Variants in TMEFF2 observed in about 807,000 individuals in gnomAD.
TMEFF2 encodes tomoregulin-2.
In TMEFF2, 28 loss-of-function variants were observed where a neutral mutation model predicts 53.8. The observed-to-expected ratio is 0.52, with a 90% CI of 0.39 to 0.71. The LOEUF is 0.71. TMEFF2 is among the 30% of genes least tolerant of loss of function. The pLI, the probability that TMEFF2 is intolerant of heterozygous loss-of-function variation, is 0.00. For missense variants in TMEFF2, 353 were observed against 455.2 expected, an observed-to-expected ratio of 0.78 and a Z score of 2.04; for synonymous variants, 162 against 166.3, an observed-to-expected ratio of 0.97 and a Z score of 0.20.
intron 7 of TMEFF2, among the ~76,000 whole-genome samples, chr2:191,960,867 G>A (rs1399152289): frequency 6.6e-6 from 1 of 152,108 alleles, no homozygotes; most frequent in East Asian, 1.9e-4. Flanking sequence ...GTATTGAAAG[G>A]AGCTGTGTGG....
Position 192,194,176 on chromosome 2 carries a change from C to T in TMEFF2, c.172+177G>A, listed in dbSNP as rs1691544176. ...TTCTGCCCATCCCAGAACCACCCCTCACCCCCGGGCCTGCAACAGTTCCCC... is the reference window on the plus strand; with the variant it reads ...TTCTGCCCATCCCAGAACCACCCCTTACCCCCGGGCCTGCAACAGTTCCCC... On this transcript the variant is annotated intron_variant, in intron 1 of 9. Transcript: ENST00000272771. The surrounding 1 kb of genome is among the most constrained non-coding windows in gnomAD (Gnocchi z 4.2). Among the ~76,000 whole-genome samples, 1 of 152,164 alleles carries T rather than the reference C, an allele frequency of 6.6e-6. No homozygotes were observed. Among genetic ancestry groups the T allele is most frequent in the African/African-American group, 2.4e-5 (1 of 41,430 alleles).
chr2:192,026,081 C>T (rs546156311), intron 5 of TMEFF2, among the ~76,000 whole-genome samples: 3 of 152,220 alleles, frequency 2.0e-5, no homozygotes, highest in East Asian at 1.9e-4. Flanking sequence ...CCCTGTGCGC[C>T]CCTCCCCACC....
At position 192,149,857 on chromosome 2, in the gene TMEFF2, C is replaced by T. The variant is rs74836720; in HGVS notation, c.439+29811G>A. On this transcript the variant is annotated intron_variant, in intron 4 of 9. Coordinates refer to ENST00000272771, the MANE Select transcript of TMEFF2 (RefSeq NM_016192.4). ...AGGGATTGACTTGTTTATTGTTAAA[C>T]ACACAATTCCATGAAGGCAAAATAT... 3.3e-5 allele frequency among the ~76,000 whole-genome samples: 5 copies of T among 152,080 alleles called. No individual in the cohort carries two copies. In the East Asian group the frequency reaches 9.7e-4, roughly 29 times the overall value.
intron 4 of TMEFF2, among the ~76,000 whole-genome samples, chr2:192,103,485 G>A (rs1689079954): frequency 6.6e-6 from 1 of 152,062 alleles, no homozygotes; most frequent in Non-Finnish European, 1.5e-5. Context: ...CATTTCAGAT[G>A]TACAGTAATC....
At chr2:191,981,807 C>G (rs1320753132) in intron 7 of TMEFF2, among the ~76,000 whole-genome samples, 1 of 152,112 alleles carries the variant, frequency 6.6e-6, no homozygotes, top group Non-Finnish European at 1.5e-5. Flanking sequence ...AAGGAAATTA[C>G]TAATTAAAAT....
chr2:191,979,863 T>G (rs1221848856), intron 7 of TMEFF2, among the ~76,000 whole-genome samples: 1 of 152,140 alleles, frequency 6.6e-6, no homozygotes, highest in Non-Finnish European at 1.5e-5. Flanking sequence ...TATCGATCTA[T>G]CTATCTATCT....
In TMEFF2 at chr2:192,101,462, A is replaced by G. The variant is rs575250496; in HGVS notation, c.440-43687T>C. ...TTTGTGTGGTATTTGTTAACTTTTT[A>G]AAATTCATATTTTGCTATGTTTTAT... On this transcript the variant is annotated intron_variant, in intron 4 of 9. Coordinates refer to ENST00000272771, the MANE Select transcript of TMEFF2 (RefSeq NM_016192.4). Among the ~76,000 whole-genome samples the G allele has an allele frequency of 5.3e-5, 8 of 152,334 alleles. No individual in the cohort carries two copies. In the East Asian group the frequency reaches 1.5e-3, roughly 29 times the overall value.
chr2:192,054,577 C>A lies in TMEFF2; in HGVS notation c.536+3102G>T, dbSNP rs575221352. Among the ~76,000 whole-genome samples the A allele has an allele frequency of 8.5e-5, 13 of 152,190 alleles. No individual in the cohort carries two copies. In the South Asian group the frequency reaches 2.3e-3, roughly 27 times the overall value. ...ACTTTTGCAAGAATACCAGGATTAA[C>A]CCCCTGCTTGCCTGGATGTTTTCCC... On this transcript the variant is annotated intron_variant, in intron 5 of 9. Transcript: ENST00000272771.
At chr2:192,118,446 A>T (rs148229329) in intron 4 of TMEFF2, among the ~76,000 whole-genome samples, 2 of 152,180 alleles carry the variant, frequency 1.3e-5, no homozygotes, top group Non-Finnish European at 2.9e-5. Context: ...TTTAAAAAGT[A>T]TATATAAGTC....
chr2:192,192,891 C>T (rs193105980), intron 1 of TMEFF2, among the ~76,000 whole-genome samples: 52 of 152,202 alleles, frequency 3.4e-4, no homozygotes, highest in Non-Finnish European at 5.3e-4. Context: ...CACACATGTA[C>T]GCATGAATCA....
At chr2:192,100,476 G>GT (rs1328948824) in intron 4 of TMEFF2, among the ~76,000 whole-genome samples, 10 of 152,282 alleles carry the variant, frequency 6.6e-5, no homozygotes, top group African/African-American at 2.4e-4. Flanking sequence ...AACAAAGGCT[G>GT]TTTGGGTAGA....
At chr2:192,086,030 C>T (rs1344635398) in intron 4 of TMEFF2, among the ~76,000 whole-genome samples, 2 of 152,164 alleles carry the variant, frequency 1.3e-5, no homozygotes, top group Non-Finnish European at 2.9e-5. Flanking sequence ...CCCATCAATA[C>T]TATAGGCCAT....
intron 4 of TMEFF2, among the ~76,000 whole-genome samples, chr2:192,122,410 C>A (rs1476659602): frequency 6.6e-6 from 1 of 152,134 alleles, no homozygotes; most frequent in Admixed American, 6.6e-5. Context: ...AATGTAGAAG[C>A]TTTATTTTAA....
intron 4 of TMEFF2, among the ~76,000 whole-genome samples, chr2:192,079,039 C>T (rs970948448): frequency 6.6e-6 from 1 of 152,120 alleles, no homozygotes; most frequent in Non-Finnish European, 1.5e-5. Context: ...AAAGAGCTTG[C>T]CATGTAGTTG....
At chr2:191,984,180 T>C (rs1264159981) in intron 7 of TMEFF2, among the ~76,000 whole-genome samples, 1 of 152,154 alleles carries the variant, frequency 6.6e-6, no homozygotes, top group African/African-American at 2.4e-5. Flanking sequence ...TGAAAAAATT[T>C]TGTTAATTAA....
intron 7 of TMEFF2, among the ~76,000 whole-genome samples, chr2:191,982,140 TCCATA>T (rs1307830445): frequency 3.9e-3 from 2 of 512 alleles, no homozygotes; most frequent in South Asian, 0.071. Flanking sequence ...TTCTACCATA[TCCATA>T]TTTATGCAAA....
At chr2:192,157,317 C>T (rs1690528375) in intron 4 of TMEFF2, among the ~76,000 whole-genome samples, 1 of 151,898 alleles carries the variant, frequency 6.6e-6, no homozygotes, top group Admixed American at 6.6e-5. Flanking sequence ...TCTTAGGCCA[C>T]TTTTTTTACT....
intron 4 of TMEFF2, among the ~76,000 whole-genome samples, chr2:192,063,174 A>G (rs1688089392): frequency 6.6e-6 from 1 of 151,944 alleles, no homozygotes; most frequent in Admixed American, 6.6e-5. Context: ...TCATATAGGT[A>G]TTAAAATGTA....
At chr2:192,100,084 A>G (rs1445990933) in intron 4 of TMEFF2, among the ~76,000 whole-genome samples, 2 of 152,180 alleles carry the variant, frequency 1.3e-5, no homozygotes, top group African/African-American at 2.4e-5. Flanking sequence ...TTTGAAATTC[A>G]ATAAGCCTTT....
Sources: allele counts gnomAD v4.1 joint callset (sites outside exome capture counted in the v4.1 genomes callset), GRCh38; gene constraint gnomAD v4.1.1; non-coding constraint Gnocchi (gnomAD v3.1); transcripts MANE v1.5; gene names NCBI Gene and HGNC (gene_info 2026-07-23, HGNC 2026-07-21).